Variants in UVRAG observed in about 807,000 individuals in gnomAD.
The protein encoded by UVRAG is UV radiation resistance associated.
In UVRAG, 19 loss-of-function variants were observed where a neutral mutation model predicts 78.0. That is an observed-to-expected ratio of 0.24 (90% CI 0.17 to 0.36). UVRAG has a LOEUF of 0.36. UVRAG is among the 10% of genes least tolerant of loss of function. UVRAG has a pLI of 1.00. For synonymous variants in UVRAG, 323 were observed against 324.6 expected (o/e 1.00, Z 0.05); for missense variants, 740 against 853.8 (o/e 0.87, Z 1.66).
chr11:75,955,644 A>G (rs1948780567), intron 6 of UVRAG, among the ~76,000 whole-genome samples: 1 of 152,184 alleles, frequency 6.6e-6, no homozygotes, highest in African/African-American at 2.4e-5. Context: ...TCACTCTTGT[A>G]ATCCCAACAC....
rs964220388 is a variant in UVRAG, at chr11:76,039,732, G to A, written c.1226+22752G>A. ...TCTACTAAAAACACAAAAATTAGCC[G>A]GATGTGGGGGTGGGCACCTGTAGTC... On this transcript the variant is annotated intron_variant, in intron 12 of 14. Coordinates refer to ENST00000356136, the MANE Select transcript of UVRAG (RefSeq NM_003369.4). Among the ~76,000 whole-genome samples, 8 of 152,214 alleles carry A rather than the reference G, an allele frequency of 5.3e-5. No homozygotes were observed. The East Asian group carries it at 5.8e-4, about 11-fold the overall frequency.
At chr11:76,085,317 C>T (rs1951569472) in intron 13 of UVRAG, among the ~76,000 whole-genome samples, 1 of 152,128 alleles carries the variant, frequency 6.6e-6, no homozygotes, top group Non-Finnish European at 1.5e-5. Context: ...TTTCTCAGAA[C>T]TGATAACTTT....
At chr11:76,129,848 G>T (rs1952480267) in intron 14 of UVRAG, among the ~76,000 whole-genome samples, 1 of 152,006 alleles carries the variant, frequency 6.6e-6, no homozygotes. Flanking sequence ...CAGCCAGAGT[G>T]CACTTTCCAA....
chr11:75,909,346 T>C (rs1386084851), intron 5 of UVRAG, among the ~76,000 whole-genome samples: 1 of 152,044 alleles, frequency 6.6e-6, no homozygotes, highest in Admixed American at 6.5e-5. Context: ...TAACTGGGTA[T>C]GGTGTTGCAT....
intron 13 of UVRAG, among the ~76,000 whole-genome samples, chr11:76,113,319 G>A (rs563445506): frequency 6.6e-6 from 1 of 151,962 alleles, no homozygotes; most frequent in African/African-American, 2.4e-5. Flanking sequence ...ATAATGTATG[G>A]GAAAGGGGAT....
At chr11:75,824,417 G>T (rs1318431309) in intron 1 of UVRAG, among the ~76,000 whole-genome samples, 3 of 150,268 alleles carry the variant, frequency 2.0e-5, no homozygotes, top group Non-Finnish European at 4.4e-5. Flanking sequence ...GAAAGGAAAA[G>T]CTATGTTTAT....
At chr11:75,926,664 C>A (rs534890443) in intron 6 of UVRAG, among the ~76,000 whole-genome samples, 2 of 152,162 alleles carry the variant, frequency 1.3e-5, no homozygotes, top group Non-Finnish European at 2.9e-5. Flanking sequence ...TTCATTAGAT[C>A]ATATTTGGAG....
At chr11:75,830,063 C>T (rs1012694076) in intron 1 of UVRAG, among the ~76,000 whole-genome samples, 1 of 152,018 alleles carries the variant, frequency 6.6e-6, no homozygotes, top group Non-Finnish European at 1.5e-5. Context: ...TGGTCTCCAG[C>T]TCCTAACCTC....
At chr11:76,012,554 G>T (rs2135357873) in intron 11 of UVRAG, among the ~76,000 whole-genome samples, 1 of 152,156 alleles carries the variant, frequency 6.6e-6, no homozygotes, top group South Asian at 2.1e-4. Flanking sequence ...TCTAGTGAAG[G>T]AACTCCAAGC....
At chr11:75,970,488 T>G (rs1949102163) in intron 7 of UVRAG, among the ~76,000 whole-genome samples, 1 of 152,112 alleles carries the variant, frequency 6.6e-6, no homozygotes, top group Non-Finnish European at 1.5e-5. Context: ...ATCCCAGCAC[T>G]TTGGGAGGCC....
At chr11:75,903,441 A>C (rs559305691) in intron 5 of UVRAG, among the ~76,000 whole-genome samples, 2 of 152,144 alleles carry the variant, frequency 1.3e-5, no homozygotes, top group Admixed American at 1.3e-4. Context: ...CAGGGATCCA[A>C]ATAATTTCCA....
intron 3 of UVRAG, among the ~76,000 whole-genome samples, chr11:75,877,282 T>C (rs1403387833): frequency 6.6e-6 from 1 of 152,194 alleles, no homozygotes; most frequent in Non-Finnish European, 1.5e-5. Context: ...ATCTGATTTC[T>C]CAATCTTTTC....
At chr11:75,999,652 T>TA (rs1205796731) in intron 8 of UVRAG, among the ~76,000 whole-genome samples, 1 of 152,204 alleles carries the variant, frequency 6.6e-6, no homozygotes, top group Non-Finnish European at 1.5e-5. Context: ...GTGCTGGGAT[T>TA]ACAGGTGTGA....
At chr11:76,095,105 G>T (rs1457531694) in intron 13 of UVRAG, among the ~76,000 whole-genome samples, 1 of 152,144 alleles carries the variant, frequency 6.6e-6, no homozygotes, top group East Asian at 1.9e-4. Flanking sequence ...CCTCTCCAAG[G>T]AATAAAATTC....
At chr11:75,992,512 A>G (rs2135302330) in intron 8 of UVRAG, among the ~76,000 whole-genome samples, 1 of 152,282 alleles carries the variant, frequency 6.6e-6, no homozygotes, top group South Asian at 2.1e-4. Context: ...TAGGAGAAAG[A>G]GTGCTGCTGT....
intron 1 of UVRAG, among the ~76,000 whole-genome samples, chr11:75,842,324 G>C (rs1473355133): frequency 6.6e-6 from 1 of 152,094 alleles, no homozygotes; most frequent in African/African-American, 2.4e-5. Context: ...TCGGTCACAA[G>C]GTGGAATATT....
chr11:75,979,711 C>G (rs1444038145), intron 7 of UVRAG: 2 of 152,434 alleles, frequency 1.3e-5, no homozygotes, highest in African/African-American at 4.8e-5. Context: ...ATGCTGTTTG[C>G]TAAGACCTTT....
At chr11:75,852,905 ATATT>A (rs909273346) in intron 2 of UVRAG, among the ~76,000 whole-genome samples, 2 of 152,040 alleles carry the variant, frequency 1.3e-5, no homozygotes, top group African/African-American at 2.4e-5. Flanking sequence ...AATTCAAGTG[ATATT>A]TATTTATTTA....
At chr11:76,113,296 A>G (rs949600415) in intron 13 of UVRAG, among the ~76,000 whole-genome samples, 1 of 152,138 alleles carries the variant, frequency 6.6e-6, no homozygotes, top group Admixed American at 6.6e-5. Flanking sequence ...ATTCTTTAAG[A>G]AAAAGCTAGT....
Sources: allele counts gnomAD v4.1 joint callset (sites outside exome capture counted in the v4.1 genomes callset), GRCh38; gene constraint gnomAD v4.1.1; transcripts MANE v1.5; gene names NCBI Gene and HGNC (gene_info 2026-07-23, HGNC 2026-07-21).